Variants in HCRTR2 observed in about 807,000 individuals in gnomAD.
HCRTR2 encodes the protein orexin receptor type 2.
A neutral mutation model predicts 49.0 loss-of-function variants in HCRTR2; 22 were observed. The ratio of observed to expected loss-of-function variants is 0.45; its 90% CI spans 0.32 to 0.64. The LOEUF is 0.64. Among genes scored for constraint, HCRTR2 ranks in the 30% least tolerant of loss-of-function variants. HCRTR2 has a pLI of 0.04. For missense variants in HCRTR2, 491 were observed against 559.4 expected, an observed-to-expected ratio of 0.88 and a Z score of 1.23; for synonymous variants, 236 against 205.3, an observed-to-expected ratio of 1.15 and a Z score of -1.28.
At chr6:55,133,856 T>A (rs1437087765) in intron 1 of HCRTR2, among the ~76,000 whole-genome samples, 1 of 151,842 alleles carries the variant, frequency 6.6e-6, no homozygotes, top group African/African-American at 2.4e-5. Context: ...ATATGGCTGT[T>A]TTTCTTTTAT....
intron 1 of HCRTR2, among the ~76,000 whole-genome samples, chr6:55,232,061 C>T (rs1766125018): frequency 1.3e-5 from 2 of 152,096 alleles, no homozygotes; most frequent in Admixed American, 1.3e-4. Context: ...AAAATAATTT[C>T]CTTTTTTTAA....
intron 1 of HCRTR2, among the ~76,000 whole-genome samples, chr6:55,185,413 T>C (rs944284596): frequency 6.6e-6 from 1 of 152,182 alleles, no homozygotes; most frequent in Non-Finnish European, 1.5e-5. Context: ...CCCCCAGGCA[T>C]AATGAACTTT....
chr6:55,169,093 T>G (rs1221732963), intron 1 of HCRTR2, among the ~76,000 whole-genome samples: 1 of 151,714 alleles, frequency 6.6e-6, no homozygotes, highest in East Asian at 2.0e-4. Context: ...TTTTTAGGTG[T>G]ATACCTTAGG....
At chr6:55,226,711 G>GTTTTTTTTTTTTTTTTTTTTTTTTT (rs777871106) in intron 1 of HCRTR2, among the ~76,000 whole-genome samples, 1 of 74,254 alleles carries the variant, frequency 1.3e-5, no homozygotes, top group Non-Finnish European at 2.3e-5. Flanking sequence ...AATTCCAGGT[G>GTTTTTTTTTTTTTTTTTTTTTTTTT]TTTTTTTTTT....
At chr6:55,227,729 A>G (rs1432410105) in intron 1 of HCRTR2, among the ~76,000 whole-genome samples, 3 of 152,150 alleles carry the variant, frequency 2.0e-5, no homozygotes, top group African/African-American at 7.2e-5. Context: ...TGTTGGTTAT[A>G]CTTGGCGGGG....
intron 1 of HCRTR2, among the ~76,000 whole-genome samples, chr6:55,127,198 G>A (rs1056320533): frequency 1.3e-5 from 2 of 152,124 alleles, no homozygotes; most frequent in African/African-American, 4.8e-5. Flanking sequence ...GGGCCCTGGT[G>A]GGGTAGGCAC....
intron 1 of HCRTR2, among the ~76,000 whole-genome samples, chr6:55,119,347 G>A (rs1764163784): frequency 6.6e-6 from 1 of 152,116 alleles, no homozygotes; most frequent in South Asian, 2.1e-4. Context: ...GATCCTTGAG[G>A]AGATGCCACA....
At position 55,282,300 on chromosome 6, in the gene HCRTR2, T is replaced by C. The variant is rs780144482; in HGVS notation, c.1181T>C (p.Leu394Pro). Residue 394 changes from leucine to proline, a missense_variant, in exon 7 of 7, where the codon CTC (leucine) becomes CCC (proline). Physicochemically the swap from Leu to Pro is moderately conservative, Grantham distance 98. Coordinates refer to ENST00000370862, the MANE Select transcript of HCRTR2 (RefSeq NM_001384272.1). ...GTTCACCATCGCCAGGAGGATCGGCTCACCAGGGGACGAACTAGCACAGAG... is the reference window on the plus strand; with the variant it reads ...GTTCACCATCGCCAGGAGGATCGGCCCACCAGGGGACGAACTAGCACAGAG... ...LGVHHRQEDRLTRGRTSTESR... is the reference protein window; with the variant it reads ...LGVHHRQEDRPTRGRTSTESR... 5 of 1,613,890 alleles carry C rather than the reference T, an allele frequency of 3.1e-6. No homozygotes were observed. The highest frequency in any genetic ancestry group is 4.2e-6 in the Non-Finnish European group (5 of 1,179,930).
At chr6:55,195,976 A>AAAC (rs145517354) in intron 1 of HCRTR2, among the ~76,000 whole-genome samples, 25 of 152,186 alleles carry the variant, frequency 1.6e-4, no homozygotes, top group East Asian at 3.9e-4. Flanking sequence ...CGTCTCAATA[A>AAAC]AACAACAACA....
chr6:55,205,709 C>A (rs1018763170), intron 1 of HCRTR2, among the ~76,000 whole-genome samples: 1 of 151,852 alleles, frequency 6.6e-6, no homozygotes, highest in Non-Finnish European at 1.5e-5. Context: ...AGAATAATTT[C>A]TTGAGTTGGT....
At chr6:55,209,750 G>A (rs1299613304) in intron 1 of HCRTR2, among the ~76,000 whole-genome samples, 1 of 152,026 alleles carries the variant, frequency 6.6e-6, no homozygotes. Flanking sequence ...CTTTAAAGTA[G>A]GTTTTCATAT....
intron 1 of HCRTR2, among the ~76,000 whole-genome samples, chr6:55,236,676 T>C (rs1766220550): frequency 6.6e-6 from 1 of 152,144 alleles, no homozygotes; most frequent in Non-Finnish European, 1.5e-5. Context: ...AATCCCAATA[T>C]GACAACTTGG....
chr6:55,131,576 A>G (rs893286498), intron 1 of HCRTR2, among the ~76,000 whole-genome samples: 1 of 151,770 alleles, frequency 6.6e-6, no homozygotes, highest in Non-Finnish European at 1.5e-5. Context: ...TATTCATATA[A>G]CACTAAAGTC....
intron 1 of HCRTR2, among the ~76,000 whole-genome samples, chr6:55,116,493 T>C (rs1166147761): frequency 6.8e-6 from 1 of 147,526 alleles, no homozygotes; most frequent in East Asian, 2.0e-4. Context: ...AAGAAAAAAA[T>C]GGGAAGAGGA....
At chr6:55,235,665 T>C (rs1449697190) in intron 1 of HCRTR2, among the ~76,000 whole-genome samples, 1 of 152,108 alleles carries the variant, frequency 6.6e-6, no homozygotes, top group African/African-American at 2.4e-5. Flanking sequence ...TGATGTGATG[T>C]AGAAATCAAA....
In HCRTR2 at chr6:55,237,463, A is replaced by G. The variant is rs74714470; in HGVS notation, c.224-11176A>G. Among the ~76,000 whole-genome samples the G allele has an allele frequency of 7.4e-4, 112 of 152,276 alleles. 1 individual carries two copies. The East Asian group carries it at 0.019, about 26-fold the overall frequency. The stretch of plus-strand genomic sequence containing the variant: ...AGCTGAAAGCCAGGGTTGTTTACCT[A>G]CTTGATAGGCCTTGAACTCCAATTA... On this transcript the variant is annotated intron_variant, in intron 1 of 6. Transcript: ENST00000370862.
intron 1 of HCRTR2, among the ~76,000 whole-genome samples, chr6:55,132,116 C>A (rs1242341824): frequency 6.6e-6 from 1 of 151,764 alleles, no homozygotes; most frequent in Non-Finnish European, 1.5e-5. Context: ...CTTTGAATAA[C>A]ACTTTAATTT....
chr6:55,180,086 G>C (rs1765105125), intron 1 of HCRTR2, among the ~76,000 whole-genome samples: 1 of 151,994 alleles, frequency 6.6e-6, no homozygotes, highest in South Asian at 2.1e-4. Context: ...ATATTTATTG[G>C]GTACTATATG....
chr6:55,280,637 T>A, intron 6 of HCRTR2, 193 bp downstream of exon 6: 1 of 203,862 alleles, frequency 4.9e-6, no homozygotes, highest in South Asian at 1.7e-4. Context: ...ATGAACTGAT[T>A]TTTCCATGTC....
Sources: allele counts gnomAD v4.1 joint callset (sites outside exome capture counted in the v4.1 genomes callset), GRCh38; gene constraint gnomAD v4.1.1; transcripts MANE v1.5; gene names NCBI Gene and HGNC (gene_info 2026-07-23, HGNC 2026-07-21).